Variants in LRP1B observed in about 807,000 individuals in gnomAD.
LRP1B encodes the protein LDL receptor related protein 1B, also known as low-density lipoprotein receptor-related protein 1B.
Under a neutral mutation model 556.6 loss-of-function variants are expected in LRP1B, and 217 were observed. The ratio of observed to expected loss-of-function variants is 0.39; its 90% CI spans 0.35 to 0.44. The LOEUF (loss-of-function observed/expected upper bound fraction) is 0.44. Among genes scored for constraint, LRP1B ranks in the 20% least tolerant of loss-of-function variants. The pLI, the probability that LRP1B is intolerant of heterozygous loss-of-function variation, is 1.00. For missense variants in LRP1B, 5,053 were observed against 5,620.8 expected (o/e 0.90, Z 3.23); for synonymous variants, 2,047 against 1,865.8 (o/e 1.10, Z -2.50).
chr2:141,562,782 T>C (rs1244362816), intron 2 of LRP1B, among the ~76,000 whole-genome samples: 1 of 152,010 alleles, frequency 6.6e-6, no homozygotes, highest in Non-Finnish European at 1.5e-5. Flanking sequence ...GTACCTTGAA[T>C]ACAGGGCAAG....
intron 2 of LRP1B, among the ~76,000 whole-genome samples, chr2:141,708,669 A>C (rs1692239951): frequency 8.2e-6 from 1 of 121,592 alleles, no homozygotes; most frequent in African/African-American, 3.3e-5. Context: ...GTGTCTCCCC[A>C]AAATTTGTAT....
At chr2:142,129,584 TTCTCTCTCTCTCTCTC>T (rs56034357) in intron 1 of LRP1B, among the ~76,000 whole-genome samples, 2,289 of 134,824 alleles carry the variant, frequency 0.017, 27 homozygotes, top group Non-Finnish European at 0.023. Flanking sequence ...CTTTCTCTCT[TTCTCTCTCTCTCTCTC>T]TCTCTCTCTC....
At chr2:141,610,329 A>ACTTTAAAACTTAAAGT (rs1423472796) in intron 2 of LRP1B, among the ~76,000 whole-genome samples, 8 of 151,278 alleles carry the variant, frequency 5.3e-5, no homozygotes, top group East Asian at 1.9e-4. Context: ...GTATAATAAT[A>ACTTTAAAACTTAAAGT]ATAATAATAA....
chr2:140,330,479 T>A (rs894182790), intron 79 of LRP1B, among the ~76,000 whole-genome samples: 1 of 151,266 alleles, frequency 6.6e-6, no homozygotes, highest in Non-Finnish European at 1.5e-5. Flanking sequence ...GGGAAAGGAG[T>A]TTGTATTTAA....
intron 1 of LRP1B, among the ~76,000 whole-genome samples, chr2:141,995,522 T>C (rs1470416676): frequency 2.0e-5 from 3 of 152,176 alleles, no homozygotes; most frequent in African/African-American, 7.2e-5. Context: ...TAATTCCATC[T>C]GCTATCTTAA....
intron 1 of LRP1B, among the ~76,000 whole-genome samples, chr2:142,127,962 G>A (rs920208566): frequency 1.3e-5 from 2 of 151,988 alleles, no homozygotes; most frequent in African/African-American, 2.4e-5. Flanking sequence ...TTGATTCTAA[G>A]TGAATCTGAT....
intron 41 of LRP1B, among the ~76,000 whole-genome samples, chr2:140,686,858 C>T (rs944328523): frequency 3.3e-5 from 5 of 151,828 alleles, no homozygotes; most frequent in African/African-American, 1.2e-4. Flanking sequence ...TAGAAGGTAA[C>T]ATTTTATAGT....
intron 2 of LRP1B, among the ~76,000 whole-genome samples, chr2:141,491,428 A>G (rs1449775012): frequency 2.6e-5 from 4 of 152,174 alleles, no homozygotes; most frequent in Non-Finnish European, 4.4e-5. Flanking sequence ...AGAATAGAAG[A>G]TAAGTATTTC....
chr2:141,764,099 T>C (rs573387815), intron 2 of LRP1B, among the ~76,000 whole-genome samples: 2 of 152,282 alleles, frequency 1.3e-5, no homozygotes, highest in South Asian at 2.1e-4. Context: ...TAACCTCTAA[T>C]ATGACAGTAA....
At chr2:140,744,935 T>C (rs1014340187) in intron 35 of LRP1B, among the ~76,000 whole-genome samples, 8 of 152,160 alleles carry the variant, frequency 5.3e-5, no homozygotes, top group African/African-American at 1.9e-4. Context: ...CTCACTATTG[T>C]TGAACCAATG....
intron 7 of LRP1B, among the ~76,000 whole-genome samples, chr2:141,187,478 C>T (rs892002331): frequency 6.6e-6 from 1 of 151,984 alleles, no homozygotes; most frequent in Non-Finnish European, 1.5e-5. Context: ...ACTATTAAAA[C>T]AATAACAAGG....
At chr2:140,911,330 A>G (rs1382267670) in intron 21 of LRP1B, among the ~76,000 whole-genome samples, 1 of 151,786 alleles carries the variant, frequency 6.6e-6, no homozygotes, top group East Asian at 1.9e-4. Context: ...TTGCCTCTGG[A>G]AAGAATTAGT....
chr2:142,039,164 A>G lies in LRP1B; in HGVS notation c.82+91484T>C, dbSNP rs141508419. 6.3e-3 allele frequency among the ~76,000 whole-genome samples: 953 copies of G among 151,666 alleles called. 12 individuals are homozygous for G. Among genetic ancestry groups the G allele is most frequent in the African/African-American group, 0.022 (921 of 41,462 alleles). On this transcript the variant is annotated intron_variant, in intron 1 of 90. Coordinates refer to ENST00000389484, the MANE Select transcript of LRP1B (RefSeq NM_018557.3). ...AAGTGAGTTTTTATTATGGCAGAGG[A>G]AAATTTAACTGGGAATAATTATGAA...
intron 6 of LRP1B, among the ~76,000 whole-genome samples, chr2:141,212,033 AT>A (rs1326541230): frequency 6.6e-6 from 1 of 152,174 alleles, no homozygotes; most frequent in Non-Finnish European, 1.5e-5. Flanking sequence ...GCTTTTAAGT[AT>A]AAAGAGTTTA....
intron 37 of LRP1B, among the ~76,000 whole-genome samples, chr2:140,713,455 A>C (rs982493071): frequency 6.6e-6 from 1 of 151,942 alleles, no homozygotes; most frequent in African/African-American, 2.4e-5. Flanking sequence ...CACAGGGATG[A>C]TAAATTACCA....
intron 1 of LRP1B, among the ~76,000 whole-genome samples, chr2:141,887,049 G>T (rs977526353): frequency 1.9e-4 from 29 of 151,202 alleles, no homozygotes; most frequent in Admixed American, 1.6e-3. Context: ...AACCTGGAGT[G>T]CAGTGATGGA....
chr2:141,399,786 T>C (rs944178259), intron 3 of LRP1B, among the ~76,000 whole-genome samples: 1 of 152,154 alleles, frequency 6.6e-6, no homozygotes, highest in Non-Finnish European at 1.5e-5. Context: ...GAGATAGAAA[T>C]AGAAACCAAA....
At chr2:140,542,384 C>T (rs1157809399) in intron 43 of LRP1B, among the ~76,000 whole-genome samples, 1 of 151,932 alleles carries the variant, frequency 6.6e-6, no homozygotes, top group African/African-American at 2.4e-5. Context: ...TATAAAGAAC[C>T]ATAAGATCTA....
chr2:140,882,733 A>G (rs1463943700), intron 25 of LRP1B, among the ~76,000 whole-genome samples: 1 of 152,204 alleles, frequency 6.6e-6, no homozygotes, highest in East Asian at 1.9e-4. Flanking sequence ...AGACAAGAGT[A>G]AAAGTCAGAA....
Sources: gnomAD v4.1 joint callset for allele counts (sites outside exome capture counted in the v4.1 genomes callset) on GRCh38, gnomAD v4.1.1 for gene constraint, MANE v1.5 for transcripts, NCBI Gene and HGNC (gene_info 2026-07-23, HGNC 2026-07-21) for gene names.